The following ANK2 variants were observed in gnomAD, a reference collection of about 807,000 sequenced individuals.
ANK2 encodes ankyrin-2.
Under a neutral mutation model 360.5 loss-of-function variants are expected in ANK2, and 83 were observed. The observed-to-expected ratio is 0.23, with a 90% CI of 0.19 to 0.28. The LOEUF (loss-of-function observed/expected upper bound fraction) is 0.28, where lower values mean the gene tolerates loss of function less well. Among genes scored for constraint, ANK2 ranks in the 10% least tolerant of loss-of-function variants. The pLI is 1.00. For missense variants in ANK2, 4,201 were observed against 4,795.7 expected (o/e 0.88, Z 3.66); for synonymous variants, 1,740 against 1,759.5 (o/e 0.99, Z 0.28).
intron 9 of ANK2, among the ~76,000 whole-genome samples, chr4:113,243,333 A>T (rs1358631448): frequency 6.6e-6 from 1 of 152,240 alleles, no homozygotes; most frequent in African/African-American, 2.4e-5. Flanking sequence ...AGTAAAGATC[A>T]AATCTAGTTT....
the ANK2 span, among the ~76,000 whole-genome samples, chr4:112,805,118 G>C: frequency 2.0e-5 from 3 of 152,184 alleles, no homozygotes; most frequent in Non-Finnish European, 4.4e-5. Flanking sequence ...GATGTGACCA[G>C]ATCATCCCTG....
chr4:113,039,933 G>A (rs1340116954), intron 2 of ANK2, among the ~76,000 whole-genome samples: 1 of 151,974 alleles, frequency 6.6e-6, no homozygotes, highest in East Asian at 1.9e-4. Flanking sequence ...AATGGGCCCG[G>A]AGTTTTTCTT....
At chr4:112,914,029 G>T (rs7680555) in intron 2 of ANK2, among the ~76,000 whole-genome samples, 11,890 of 151,728 alleles carry the variant, frequency 0.078, 1,010 homozygotes, top group African/African-American at 0.22. Context: ...TAGTTTTTTT[G>T]GGGTTTCTTT....
rs1397598090 is a variant in ANK2, at chr4:113,358,197, A to G, written c.9579A>G (p.Ile3193Met). 2 of 1,614,094 alleles carry G rather than the reference A, an allele frequency of 1.2e-6. No individual in the cohort carries two copies. Among genetic ancestry groups the G allele is most frequent in the East Asian group, 2.2e-5 (1 of 44,856 alleles). ...PDDVSEEVEE[I>M]PASDAQLNSQ... is the part of the protein sequence containing the mutation. ...ACGTGAGTGAGGAAGTAGAGGAAATACCTGCTTCGGATGCTCAACTTAACT... is the reference window on the plus strand; with the variant it reads ...ACGTGAGTGAGGAAGTAGAGGAAATGCCTGCTTCGGATGCTCAACTTAACT... Residue 3193 changes from isoleucine to methionine, a missense_variant, in exon 38 of 46, where the codon ATA (isoleucine) becomes ATG (methionine). Coordinates refer to ENST00000357077, the MANE Select transcript of ANK2 (RefSeq NM_001148.6).
upstream of ANK2, among the ~76,000 whole-genome samples, chr4:113,049,024 G>T (rs750541726): frequency 6.6e-6 from 1 of 151,884 alleles, no homozygotes; most frequent in Non-Finnish European, 1.5e-5. Context: ...GGGCAGTTGT[G>T]TAATACATTG....
At chr4:113,243,007 T>C (rs2040827649) in intron 9 of ANK2, among the ~76,000 whole-genome samples, 2 of 151,194 alleles carry the variant, frequency 1.3e-5, no homozygotes, top group Non-Finnish European at 2.9e-5. Context: ...TATTTACCAT[T>C]TTTGAAAAAG....
chr4:113,151,110 G>A lies in ANK2; in HGVS notation c.85-23306G>A, dbSNP rs868182830. Reference sequence around the variant, plus strand: ...ATGCCCCCAGATGAAACCAGAGGCCGCCAACATTGAAAAGGTGATGGAAGC... The same window carrying A: ...ATGCCCCCAGATGAAACCAGAGGCCACCAACATTGAAAAGGTGATGGAAGC... On this transcript the variant is annotated intron_variant, in intron 1 of 45. Transcript: ENST00000357077. The A allele has an allele frequency of 2.6e-5, 33 of 1,288,592 alleles. No homozygotes were observed. In the Middle Eastern group the frequency reaches 1.1e-3, roughly 41 times the overall value. The allele number at this position is 1,288,592 out of a possible 1,614,324, so 79.8% of individuals were successfully genotyped here. A position where few individuals can be genotyped will look rare whatever the true frequency, so the allele number is the denominator to read the frequency against.
At chr4:113,045,820 A>G (rs770574396), upstream of ANK2, among the ~76,000 whole-genome samples, 11 of 152,232 alleles carry the variant, frequency 7.2e-5, no homozygotes, top group Non-Finnish European at 1.5e-4. Context: ...TAGATATCAG[A>G]AAGTACATAA....
intron 1 of ANK2, among the ~76,000 whole-genome samples, chr4:113,116,039 G>T (rs2094734850): frequency 6.6e-6 from 1 of 152,066 alleles, no homozygotes; most frequent in Non-Finnish European, 1.5e-5. Flanking sequence ...ATTAGACCTC[G>T]ATAAAACTAT....
At chr4:112,880,752 CTGTT>C (rs1310970344) in intron 1 of ANK2, 2 of 152,098 alleles carry the variant, frequency 1.3e-5, no homozygotes, top group African/African-American at 2.4e-5. Context: ...CTTCTTTTCT[CTGTT>C]TGATTATTTA....
At chr4:112,727,720 T>C in the ANK2 span, among the ~76,000 whole-genome samples, 2 of 152,196 alleles carry the variant, frequency 1.3e-5, no homozygotes, top group African/African-American at 2.4e-5. Context: ...TAATCAGGCC[T>C]GTAACCCCAG....
At chr4:112,774,548 G>A in the ANK2 span, among the ~76,000 whole-genome samples, 2 of 152,088 alleles carry the variant, frequency 1.3e-5, no homozygotes, top group African/African-American at 2.4e-5. Context: ...GCTAACTAAC[G>A]AACTGACTAA....
At chr4:113,049,174 A>G (rs2065842332), upstream of ANK2, among the ~76,000 whole-genome samples, 1 of 152,166 alleles carries the variant, frequency 6.6e-6, no homozygotes, top group African/African-American at 2.4e-5. Flanking sequence ...TCAAAAGATT[A>G]TATTTTAAAC....
intron 1 of ANK2, among the ~76,000 whole-genome samples, chr4:113,119,488 G>A (rs947752998): frequency 6.6e-6 from 1 of 151,754 alleles, no homozygotes; most frequent in Non-Finnish European, 1.5e-5. Flanking sequence ...ATACCTTAAG[G>A]TGTACATACC....
chr4:112,710,080 A>G, the ANK2 span, among the ~76,000 whole-genome samples: 1 of 152,224 alleles, frequency 6.6e-6, no homozygotes, highest in Non-Finnish European at 1.5e-5. Context: ...CATAGTTTTC[A>G]CAACAATCCT....
chr4:113,018,406 T>C (rs2057211587), intron 2 of ANK2, among the ~76,000 whole-genome samples: 1 of 152,216 alleles, frequency 6.6e-6, no homozygotes, highest in Non-Finnish European at 1.5e-5. Context: ...GCGTAAAGAA[T>C]CAATGTCATA....
chr4:113,261,005 C>A (rs1255853678), intron 13 of ANK2, among the ~76,000 whole-genome samples: 8 of 152,144 alleles, frequency 5.3e-5, no homozygotes, highest in Non-Finnish European at 8.8e-5. Context: ...CAACTTGATG[C>A]GCCCAAAGTG....
chr4:113,290,633 G>C (rs1013662819), intron 20 of ANK2, among the ~76,000 whole-genome samples: 3 of 152,048 alleles, frequency 2.0e-5, no homozygotes, highest in African/African-American at 7.2e-5. Context: ...TCTTCAATTA[G>C]AAAAACAAAC....
intron 1 of ANK2, among the ~76,000 whole-genome samples, chr4:113,172,883 G>A (rs2098036089): frequency 6.6e-6 from 1 of 152,164 alleles, no homozygotes; most frequent in Non-Finnish European, 1.5e-5. Context: ...TTGGAATTTA[G>A]CATATGCTGC....
Sources: allele counts gnomAD v4.1 joint callset (sites outside exome capture counted in the v4.1 genomes callset), GRCh38; gene constraint gnomAD v4.1.1; transcripts MANE v1.5; gene names NCBI Gene and HGNC (gene_info 2026-07-23, HGNC 2026-07-21).